IL1RAPL1: variants seen among roughly 807,000 people sequenced by gnomAD.
IL1RAPL1 encodes interleukin-1 receptor accessory protein-like 1.
A neutral mutation model predicts 48.4 loss-of-function variants in IL1RAPL1; 3 were observed. The ratio of observed to expected loss-of-function variants is 0.06; its 90% confidence interval spans 0.03 to 0.16. The LOEUF is 0.16. IL1RAPL1 is among the 10% of genes least tolerant of loss of function. The pLI, the probability that IL1RAPL1 is intolerant of heterozygous loss-of-function variation, is 1.00. For synonymous variants in IL1RAPL1, 185 were observed against 187.7 expected (o/e 0.99, Z 0.12); for missense variants, 349 against 530.6 (o/e 0.66, Z 3.36).
chrX:28,768,737 C>G (rs868758121), intron 1 of IL1RAPL1, among the ~76,000 whole-genome samples: 6 of 67,870 alleles, frequency 8.8e-5, no homozygotes, highest in African/African-American at 3.6e-4. Context: ...CTGTCTCTCT[C>G]TCTCTCTCTC....
intron 1 of IL1RAPL1, among the ~76,000 whole-genome samples, chrX:28,666,596 G>A (rs1160857890): frequency 8.9e-6 from 1 of 111,952 alleles, no homozygotes; most frequent in East Asian, 2.8e-4. Flanking sequence ...GTGAAAAAGA[G>A]TAGCAAAGTA....
At chrX:28,657,084 G>A (rs1934758644) in intron 1 of IL1RAPL1, among the ~76,000 whole-genome samples, 1 of 110,318 alleles carries the variant, frequency 9.1e-6, no homozygotes, top group Non-Finnish European at 1.9e-5. Flanking sequence ...TGTAATGGGG[G>A]CATATACTAT....
intron 1 of IL1RAPL1, among the ~76,000 whole-genome samples, chrX:28,698,371 G>GAGAT (rs1935258824): frequency 9.0e-6 from 1 of 111,318 alleles, no homozygotes; most frequent in Admixed American, 9.6e-5. Flanking sequence ...GACCCCTGAA[G>GAGAT]AGATATTCAG....
intron 3 of IL1RAPL1, among the ~76,000 whole-genome samples, chrX:29,380,053 G>A (rs922784983): frequency 3.7e-5 from 4 of 109,226 alleles, no homozygotes; most frequent in Non-Finnish European, 7.6e-5. Context: ...TTCACTTAAT[G>A]TACTCCAGGC....
At chrX:28,704,831 C>CAAAAAAAAAAAAA (rs1179973377) in intron 1 of IL1RAPL1, among the ~76,000 whole-genome samples, 2 of 29,652 alleles carry the variant, frequency 6.7e-5, no homozygotes, top group African/African-American at 3.1e-4. Context: ...CACACACACA[C>CAAAAAAAAAAAAA]AAAAAAAAAA....
At chrX:29,147,989 A>G (rs1186391334) in intron 2 of IL1RAPL1, among the ~76,000 whole-genome samples, 1 of 111,752 alleles carries the variant, frequency 8.9e-6, no homozygotes, top group African/African-American at 3.2e-5. Context: ...GGTTTTTATA[A>G]TGCTATTCAA....
chrX:29,666,354 C>T (rs1925998763), intron 5 of IL1RAPL1, among the ~76,000 whole-genome samples: 1 of 110,427 alleles, frequency 9.1e-6, no homozygotes, highest in Non-Finnish European at 1.9e-5. Flanking sequence ...GAATGGGTGG[C>T]ACAACAAGGC....
chrX:28,933,595 A>G (rs1175617195), intron 2 of IL1RAPL1, among the ~76,000 whole-genome samples: 1 of 111,568 alleles, frequency 9.0e-6, no homozygotes, highest in East Asian at 2.8e-4. Flanking sequence ...GCCCTGATCC[A>G]GAACCCTAGA....
intron 2 of IL1RAPL1, among the ~76,000 whole-genome samples, chrX:29,053,638 T>C (rs1170570104): frequency 8.9e-6 from 1 of 112,107 alleles, no homozygotes; most frequent in African/African-American, 3.2e-5. Context: ...CATGAAATCT[T>C]TGCCCGTTCC....
intron 1 of IL1RAPL1, among the ~76,000 whole-genome samples, chrX:28,615,738 G>A (rs924616424): frequency 1.8e-5 from 2 of 110,629 alleles, no homozygotes; most frequent in East Asian, 2.9e-4. Context: ...GGTACCAGAC[G>A]TCTTCTACAT....
chrX:28,704,456 G>T (rs6630732), intron 1 of IL1RAPL1, among the ~76,000 whole-genome samples: 1 of 65,915 alleles, frequency 1.5e-5, no homozygotes, highest in African/African-American at 6.3e-5. Flanking sequence ...ACACACACAC[G>T]CATGCACACA....
intron 1 of IL1RAPL1, among the ~76,000 whole-genome samples, chrX:28,721,969 C>T (rs1469593015): frequency 2.7e-5 from 3 of 111,615 alleles, no homozygotes; most frequent in African/African-American, 9.8e-5. Flanking sequence ...TGTTTTGGTA[C>T]CAGTACCATG....
intron 2 of IL1RAPL1, among the ~76,000 whole-genome samples, chrX:29,160,091 C>T (rs187668030): frequency 1.6e-4 from 18 of 112,132 alleles, no homozygotes; most frequent in Middle Eastern, 9.2e-3. Flanking sequence ...TGTGGTAGGA[C>T]ACTACGTTTT....
At chrX:28,745,503 G>T (rs1263505345) in intron 1 of IL1RAPL1, among the ~76,000 whole-genome samples, 1 of 111,653 alleles carries the variant, frequency 9.0e-6, no homozygotes, top group Non-Finnish European at 1.9e-5. Context: ...TTGTAAAGAT[G>T]TGAGGTTTAT....
chrX:28,980,845 T>C (rs778686033), intron 2 of IL1RAPL1, among the ~76,000 whole-genome samples: 21 of 108,444 alleles, frequency 1.9e-4, no homozygotes, highest in African/African-American at 6.7e-4. Flanking sequence ...TCCCAGCACT[T>C]TGGGAGGTCA....
At chrX:29,403,072 C>G (rs1299165222) in intron 5 of IL1RAPL1, among the ~76,000 whole-genome samples, 1 of 111,580 alleles carries the variant, frequency 9.0e-6, no homozygotes, top group Non-Finnish European at 1.9e-5. Context: ...GTCATCCATG[C>G]TAAAGGAGTG....
chrX:28,828,470 T>A (rs960397857), intron 2 of IL1RAPL1, among the ~76,000 whole-genome samples: 1 of 111,861 alleles, frequency 8.9e-6, no homozygotes, highest in Non-Finnish European at 1.9e-5. Context: ...TTTTTTTAGT[T>A]GTCCCTAGAC....
chrX:28,716,525 C>T (rs1259321821), intron 1 of IL1RAPL1, among the ~76,000 whole-genome samples: 1 of 111,495 alleles, frequency 9.0e-6, no homozygotes, highest in Non-Finnish European at 1.9e-5. Context: ...CAAAATTTAA[C>T]TCAAGATGGA....
At chrX:28,948,407 C>G (rs1374283686) in intron 2 of IL1RAPL1, among the ~76,000 whole-genome samples, 2 of 110,466 alleles carry the variant, frequency 1.8e-5, no homozygotes, top group African/African-American at 6.6e-5. Context: ...TGTCCCTGAT[C>G]TGATCTGAAC....
Sources: allele counts gnomAD v4.1 joint callset (sites outside exome capture counted in the v4.1 genomes callset), GRCh38; gene constraint gnomAD v4.1.1; transcripts MANE v1.5; gene names NCBI Gene and HGNC (gene_info 2026-07-23, HGNC 2026-07-21).